Variants in KCND2 observed in about 807,000 individuals in gnomAD.
KCND2 encodes the protein potassium voltage-gated channel subfamily D member 2.
Under a neutral mutation model 54.4 loss-of-function variants are expected in KCND2, and 16 were observed. The observed-to-expected ratio is 0.29, with a 90% CI of 0.20 to 0.45. The LOEUF (loss-of-function observed/expected upper bound fraction) is 0.45, where lower values mean the gene tolerates loss of function less well. Ranked by LOEUF, KCND2 falls within the 20% of genes least tolerant of loss-of-function variation. The pLI is 1.00. For synonymous variants in KCND2, 317 were observed against 310.7 expected (o/e 1.02, Z -0.21); for missense variants, 486 against 824.2 (o/e 0.59, Z 5.02).
intron 1 of KCND2, among the ~76,000 whole-genome samples, chr7:120,597,507 C>A (rs1385306261): frequency 6.6e-6 from 1 of 152,092 alleles, no homozygotes; most frequent in Non-Finnish European, 1.5e-5. Flanking sequence ...GATATAAATG[C>A]TATCAGCTGT....
In KCND2 at chr7:120,315,681, A is replaced by C. The variant is rs17316228; in HGVS notation, c.1115+39934A>C. ...AGTTCCCCTCTATCAGCATACTGTAAATTTCATAGTCATAAATCATTGTTG... is the reference window on the plus strand; with the variant it reads ...AGTTCCCCTCTATCAGCATACTGTACATTTCATAGTCATAAATCATTGTTG... On this transcript the variant is annotated intron_variant, in intron 1 of 5. Transcript: ENST00000331113. Among the ~76,000 whole-genome samples, 879 of 152,020 alleles carry C rather than the reference A, an allele frequency of 5.8e-3. 4 individuals carry two copies. Among genetic ancestry groups the C allele is most frequent in the Non-Finnish European group, 9.6e-3 (650 of 67,988 alleles).
chr7:120,285,688 A>C (rs1799330064), intron 1 of KCND2, among the ~76,000 whole-genome samples: 1 of 151,934 alleles, frequency 6.6e-6, no homozygotes, highest in African/African-American at 2.4e-5. Flanking sequence ...TAATTAACTT[A>C]GAAGTATACA....
chr7:120,532,927 G>A (rs1437387558), intron 1 of KCND2, among the ~76,000 whole-genome samples: 1 of 151,944 alleles, frequency 6.6e-6, no homozygotes, highest in Non-Finnish European at 1.5e-5. Flanking sequence ...AAATGCATAT[G>A]TAAACACACA....
chr7:120,617,231 G>A (rs1012377554), intron 1 of KCND2, among the ~76,000 whole-genome samples: 1 of 152,090 alleles, frequency 6.6e-6, no homozygotes, highest in African/African-American at 2.4e-5. Context: ...AATACCAGTT[G>A]TATGCCAGGC....
At chr7:120,298,741 C>A (rs1484020987) in intron 1 of KCND2, among the ~76,000 whole-genome samples, 1 of 152,196 alleles carries the variant, frequency 6.6e-6, no homozygotes, top group Non-Finnish European at 1.5e-5. Context: ...AATTAAAATC[C>A]ATTTTTCTTC....
At chr7:120,621,276 C>CAAAAAAAAAAAAAAAAAAAAAAAAAA (rs1175736454) in intron 1 of KCND2, among the ~76,000 whole-genome samples, 4 of 47,202 alleles carry the variant, frequency 8.5e-5, no homozygotes, top group African/African-American at 2.8e-4. Context: ...GACTCCGTCT[C>CAAAAAAAAAAAAAAAAAAAAAAAAAA]AAAAAAAAAA....
Position 120,403,746 on chromosome 7 carries a change from A to G in KCND2, c.1115+127999A>G, listed in dbSNP as rs537057321. On this transcript the variant is annotated intron_variant, in intron 1 of 5. Transcript: ENST00000331113. ...ATTTTGGGGAAGAAAATACATTTAT[A>G]TAACAACACATATGTCTAATTTTAT... is the stretch of plus-strand genomic sequence containing the variant. Among the ~76,000 whole-genome samples the G allele has an allele frequency of 7.9e-5, 12 of 152,246 alleles. No individual in the cohort carries two copies. The East Asian group carries it at 2.3e-3, about 29-fold the overall frequency.
intron 1 of KCND2, among the ~76,000 whole-genome samples, chr7:120,641,161 A>G (rs79841307): frequency 0.011 from 1,658 of 152,266 alleles, 9 homozygotes; most frequent in Non-Finnish European, 0.015. Context: ...AGTTTCACTT[A>G]AGCCAGCTGC....
chr7:120,284,449 G>A (rs1203673742), intron 1 of KCND2, among the ~76,000 whole-genome samples: 1 of 152,050 alleles, frequency 6.6e-6, no homozygotes, highest in Non-Finnish European at 1.5e-5. Context: ...TCAAACTTAT[G>A]AAAATATGTC....
chr7:120,506,484 A>T (rs951689215), intron 1 of KCND2, among the ~76,000 whole-genome samples: 3 of 151,894 alleles, frequency 2.0e-5, no homozygotes, highest in African/African-American at 7.2e-5. Flanking sequence ...AATTTGAAAG[A>T]GCACACAGCA....
intron 1 of KCND2, among the ~76,000 whole-genome samples, chr7:120,520,277 G>A (rs1584811296): frequency 6.6e-6 from 1 of 151,738 alleles, no homozygotes; most frequent in East Asian, 1.9e-4. Flanking sequence ...CTATTTTTAT[G>A]AAATACTCCT....
At chr7:120,742,966 G>A (rs924787115) in intron 4 of KCND2, among the ~76,000 whole-genome samples, 2 of 152,002 alleles carry the variant, frequency 1.3e-5, no homozygotes, top group African/African-American at 4.8e-5. Flanking sequence ...GGTGCTCGAG[G>A]GTCCCTAGCA....
intron 1 of KCND2, among the ~76,000 whole-genome samples, chr7:120,705,366 G>C (rs1175905153): frequency 6.6e-6 from 1 of 152,146 alleles, no homozygotes; most frequent in African/African-American, 2.4e-5. Context: ...TAATTTATTT[G>C]GCTGTAGACA....
At chr7:120,404,420 A>C (rs961310078) in intron 1 of KCND2, among the ~76,000 whole-genome samples, 1 of 152,094 alleles carries the variant, frequency 6.6e-6, no homozygotes, top group African/African-American at 2.4e-5. Flanking sequence ...ACATTTCTTT[A>C]TTTTTACAAA....
chr7:120,461,157 C>T (rs550980044), intron 1 of KCND2, among the ~76,000 whole-genome samples: 17 of 152,164 alleles, frequency 1.1e-4, no homozygotes, highest in African/African-American at 4.1e-4. Context: ...AGTACCTTTG[C>T]CCCGAGCACC....
chr7:120,628,093 A>G (rs1044196684), intron 1 of KCND2, among the ~76,000 whole-genome samples: 3 of 152,218 alleles, frequency 2.0e-5, no homozygotes, highest in Non-Finnish European at 4.4e-5. Flanking sequence ...AGGAAATATA[A>G]TAGCTTTTTT....
chr7:120,339,899 G>A (rs545031975), intron 1 of KCND2, among the ~76,000 whole-genome samples: 1 of 152,258 alleles, frequency 6.6e-6, no homozygotes, highest in South Asian at 2.1e-4. Flanking sequence ...ACACTCTTAA[G>A]GACTAGTGGC....
At chr7:120,613,404 G>A (rs539910369) in intron 1 of KCND2, among the ~76,000 whole-genome samples, 133 of 152,202 alleles carry the variant, frequency 8.7e-4, no homozygotes, top group African/African-American at 3.0e-3. Context: ...AGTGGCGCAC[G>A]CCTGTAATCA....
At chr7:120,417,761 C>T (rs974260183) in intron 1 of KCND2, among the ~76,000 whole-genome samples, 3 of 152,120 alleles carry the variant, frequency 2.0e-5, no homozygotes, top group East Asian at 1.9e-4. Flanking sequence ...AGAGTGGAAA[C>T]GCACCATTTT....
Sources: gnomAD v4.1 joint callset for allele counts (sites outside exome capture counted in the v4.1 genomes callset) on GRCh38, gnomAD v4.1.1 for gene constraint, MANE v1.5 for transcripts, NCBI Gene and HGNC (gene_info 2026-07-23, HGNC 2026-07-21) for gene names.